The following DDX10 variants were observed in gnomAD, a reference collection of about 807,000 sequenced individuals.
DDX10 encodes probable ATP-dependent RNA helicase DDX10.
In DDX10, 74 loss-of-function variants were observed where a neutral mutation model predicts 104.3. That is an observed-to-expected ratio of 0.71 (90% CI 0.59 to 0.86). DDX10 has a LOEUF of 0.86. Among genes scored for constraint, DDX10 ranks in the 40% least tolerant of loss-of-function variants. The pLI is 0.00. For synonymous variants in DDX10, 351 were observed against 353.4 expected (o/e 0.99, Z 0.08); for missense variants, 952 against 1,040.0 (o/e 0.92, Z 1.16).
chr11:108,739,302 CAG>C (rs2094322248), intron 13 of DDX10, among the ~76,000 whole-genome samples: 1 of 152,186 alleles, frequency 6.6e-6, no homozygotes, highest in Non-Finnish European at 1.5e-5. Context: ...CAGAGAGACA[CAG>C]ATTCCTCCAT....
intron 16 of DDX10, 72 bp downstream of exon 16, chr11:108,852,281 G>C: frequency 8.5e-7 from 1 of 1,174,536 alleles, no homozygotes; most frequent in South Asian, 1.5e-5. Flanking sequence ...TTATATTTTG[G>C]CAAGAACAAT....
intron 16 of DDX10, among the ~76,000 whole-genome samples, chr11:108,853,228 G>A (rs953467413): frequency 6.6e-6 from 1 of 152,100 alleles, no homozygotes; most frequent in South Asian, 2.1e-4. Flanking sequence ...ACGTGCAGGC[G>A]TGAAACACCA....
chr11:108,744,343 G>T (rs2094328846), intron 13 of DDX10, among the ~76,000 whole-genome samples: 1 of 152,082 alleles, frequency 6.6e-6, no homozygotes, highest in Non-Finnish European at 1.5e-5. Context: ...CGTTTCTCAG[G>T]TTGGAAGATT....
In DDX10 at chr11:108,684,878, T is replaced by G. The variant is rs2094241304; in HGVS notation, c.849-4058T>G. On this transcript the variant is annotated intron_variant, in intron 6 of 17. Transcript: ENST00000322536. ...CCAGCACCTGTTGTTTCCTGACTTT[T>G]TAATGATTGCCATTCTAACTGGTGT... Among the ~76,000 whole-genome samples the G allele has an allele frequency of 3.4e-5, 5 of 145,528 alleles. No homozygotes were observed. In the South Asian group the frequency reaches 1.2e-3, roughly 34 times the overall value.
At position 108,875,146 on chromosome 11, in the gene DDX10, C is replaced by T. The variant is rs147184930; in HGVS notation, c.2304+22937C>T. On this transcript the variant is annotated intron_variant, in intron 16 of 17. Transcript: ENST00000322536. Reference sequence around the variant, plus strand: ...AAGAAACCATAGAACCATAAAGTTTCTATGAAGCCTGCGTTACTGTGTATG... The same window carrying T: ...AAGAAACCATAGAACCATAAAGTTTTTATGAAGCCTGCGTTACTGTGTATG... Among the ~76,000 whole-genome samples, 13 of 152,248 alleles carry T rather than the reference C, an allele frequency of 8.5e-5. 1 individual carries two copies. Among genetic ancestry groups the T allele is most frequent in the African/African-American group, 3.1e-4 (13 of 41,542 alleles).
At chr11:108,802,630 G>A (rs1408061823) in intron 13 of DDX10, among the ~76,000 whole-genome samples, 2 of 152,128 alleles carry the variant, frequency 1.3e-5, no homozygotes, top group African/African-American at 4.8e-5. Flanking sequence ...CTCTGAGACT[G>A]TGTTATCTAA....
chr11:108,903,921 C>A (rs1052416932), intron 16 of DDX10, among the ~76,000 whole-genome samples: 1 of 152,072 alleles, frequency 6.6e-6, no homozygotes, highest in Non-Finnish European at 1.5e-5. Context: ...GTATTAAGTT[C>A]TCTTGGGTAT....
At chr11:108,746,712 G>T (rs932543675) in intron 13 of DDX10, among the ~76,000 whole-genome samples, 2 of 151,986 alleles carry the variant, frequency 1.3e-5, no homozygotes, top group African/African-American at 4.8e-5. Flanking sequence ...CATCCTCACT[G>T]TCACTCATTA....
chr11:108,901,089 C>T (rs1459351005), intron 16 of DDX10, among the ~76,000 whole-genome samples: 4 of 152,160 alleles, frequency 2.6e-5, no homozygotes, highest in African/African-American at 9.7e-5. Context: ...GGCCTAGCCT[C>T]CCTAGCATTG....
At chr11:108,693,209 G>T (rs2094255125) in intron 8 of DDX10, among the ~76,000 whole-genome samples, 1 of 152,116 alleles carries the variant, frequency 6.6e-6, no homozygotes, top group Admixed American at 6.5e-5. Context: ...ATTAGAAGTG[G>T]TGCTTTCGGG....
intron 9 of DDX10, among the ~76,000 whole-genome samples, chr11:108,696,308 C>G (rs558660354): frequency 3.3e-5 from 5 of 152,260 alleles, no homozygotes; most frequent in African/African-American, 1.2e-4. Flanking sequence ...TCCCAAGTAG[C>G]TGGGACTATA....
intron 16 of DDX10, among the ~76,000 whole-genome samples, chr11:108,885,555 G>A (rs915455367): frequency 2.6e-5 from 4 of 151,566 alleles, no homozygotes; most frequent in African/African-American, 7.3e-5. Context: ...ACAGGGTTTC[G>A]GGTTTCACAG....
chr11:108,694,770 C>A (rs1393052181), intron 9 of DDX10, among the ~76,000 whole-genome samples: 6 of 152,014 alleles, frequency 3.9e-5, no homozygotes, highest in Admixed American at 3.9e-4. Context: ...AGTCTCAGCT[C>A]CTTGGGAGGC....
At chr11:108,782,649 A>G (rs756308452) in intron 13 of DDX10, among the ~76,000 whole-genome samples, 4 of 152,134 alleles carry the variant, frequency 2.6e-5, no homozygotes, top group Non-Finnish European at 5.9e-5. Flanking sequence ...TATTCATTCC[A>G]CAAATGAATA....
intron 16 of DDX10, among the ~76,000 whole-genome samples, chr11:108,896,640 A>G (rs1400584313): frequency 6.6e-6 from 1 of 152,204 alleles, no homozygotes; most frequent in Non-Finnish European, 1.5e-5. Context: ...TTCTGTTTGA[A>G]ATCATAATCA....
intron 9 of DDX10, among the ~76,000 whole-genome samples, chr11:108,703,413 T>C (rs938738703): frequency 3.9e-5 from 6 of 152,118 alleles, no homozygotes; most frequent in African/African-American, 1.4e-4. Flanking sequence ...CACTGCAACC[T>C]CTGCCTCCCA....
chr11:108,730,366 A>T (rs2094310536), intron 13 of DDX10, among the ~76,000 whole-genome samples: 1 of 152,178 alleles, frequency 6.6e-6, no homozygotes, highest in South Asian at 2.1e-4. Context: ...CCTAACACAC[A>T]TCTCAGTGGT....
At chr11:108,857,985 T>G (rs1014627320) in intron 16 of DDX10, among the ~76,000 whole-genome samples, 3 of 152,246 alleles carry the variant, frequency 2.0e-5, no homozygotes, top group African/African-American at 7.2e-5. Context: ...CAGAATATTG[T>G]GCATCTCCTA....
At chr11:108,889,743 G>A (rs1863349875) in intron 16 of DDX10, among the ~76,000 whole-genome samples, 1 of 152,108 alleles carries the variant, frequency 6.6e-6, no homozygotes, top group Admixed American at 6.6e-5. Flanking sequence ...GAATTACAAA[G>A]CAAACTCACA....
Sources: gnomAD v4.1 joint callset for allele counts (sites outside exome capture counted in the v4.1 genomes callset) on GRCh38, gnomAD v4.1.1 for gene constraint, MANE v1.5 for transcripts, NCBI Gene and HGNC (gene_info 2026-07-23, HGNC 2026-07-21) for gene names.